Variants in EDN1 observed in about 807,000 individuals in gnomAD.
EDN1 encodes the protein endothelin-1.
EDN1 carries 11 observed loss-of-function variants against 21.7 expected under a neutral mutation model. The observed-to-expected ratio is 0.51, with a 90% CI of 0.32 to 0.84. The LOEUF is 0.84. EDN1 is among the 40% of genes least tolerant of loss of function. The pLI is 0.03. For missense variants in EDN1, 244 were observed against 262.3 expected, an observed-to-expected ratio of 0.93 and a Z score of 0.48; for synonymous variants, 85 against 90.6, an observed-to-expected ratio of 0.94 and a Z score of 0.35.
the EDN1 span, among the ~76,000 whole-genome samples, chr6:12,276,999 G>GATAA: frequency 6.6e-6 from 1 of 152,216 alleles, no homozygotes; most frequent in Non-Finnish European, 1.5e-5. Flanking sequence ...AGGAGGAACA[G>GATAA]GGACTTTGCT....
At chr6:12,233,543 G>A in the EDN1 span, among the ~76,000 whole-genome samples, 1 of 152,146 alleles carries the variant, frequency 6.6e-6, no homozygotes, top group African/African-American at 2.4e-5. Context: ...AATTCAAGCT[G>A]CTCTACCTAC....
rs567974771 is a variant in EDN1, at chr6:12,292,151, A to T, written c.65-190A>T. The stretch of plus-strand genomic sequence containing the variant: ...TGGATAAGCCAAGGGCATGAGGGGG[A>T]GGCAAAAGGTGAACTCATGTTAAGG... On this transcript the variant is annotated intron_variant, in intron 1 of 4. Coordinates refer to ENST00000379375, the MANE Select transcript of EDN1 (RefSeq NM_001955.5). Among the ~76,000 whole-genome samples, 39 of 148,192 alleles carry T rather than the reference A, an allele frequency of 2.6e-4. No homozygotes were observed. In the East Asian group the frequency reaches 7.1e-3, roughly 27 times the overall value.
the EDN1 span, among the ~76,000 whole-genome samples, chr6:12,262,553 A>G: frequency 6.6e-6 from 1 of 152,176 alleles, no homozygotes. Flanking sequence ...AATAAAAATG[A>G]TTTATGGTTT....
chr6:12,263,649 G>A, the EDN1 span, among the ~76,000 whole-genome samples: 1 of 152,152 alleles, frequency 6.6e-6, no homozygotes, highest in Non-Finnish European at 1.5e-5. Context: ...TACTTGGCCT[G>A]GAGTTACACA....
At chr6:12,260,820 C>T in the EDN1 span, among the ~76,000 whole-genome samples, 4 of 152,046 alleles carry the variant, frequency 2.6e-5, no homozygotes, top group Non-Finnish European at 5.9e-5. Context: ...GACCACTGTT[C>T]CATAAACCTA....
chr6:12,294,550 C>A, intron 4 of EDN1, 146 bp downstream of exon 4: 1 of 899,928 alleles, frequency 1.1e-6, no homozygotes, highest in Non-Finnish European at 1.8e-6. Flanking sequence ...TCTATGCATC[C>A]TATAGATTAA....
the EDN1 span, among the ~76,000 whole-genome samples, chr6:12,231,143 T>C: frequency 6.6e-6 from 1 of 152,246 alleles, no homozygotes; most frequent in Non-Finnish European, 1.5e-5. Context: ...AGCCCAGAAC[T>C]GGCTGTGAAC....
the EDN1 span, among the ~76,000 whole-genome samples, chr6:12,255,306 G>A: frequency 6.6e-6 from 1 of 152,096 alleles, no homozygotes; most frequent in South Asian, 2.1e-4. Context: ...AGCTCAATCA[G>A]AGAGAAATAG....
chr6:12,284,737 AAGG>A, the EDN1 span, among the ~76,000 whole-genome samples: 739 of 136,902 alleles, frequency 5.4e-3, 3 homozygotes, highest in South Asian at 0.016. Flanking sequence ...GGAAGGAAGG[AAGG>A]AAGGAAGGAA....
At chr6:12,265,476 G>A in the EDN1 span, among the ~76,000 whole-genome samples, 1 of 152,208 alleles carries the variant, frequency 6.6e-6, no homozygotes, top group Admixed American at 6.5e-5. Context: ...TTATGACACA[G>A]ACAGAAAGAC....
At chr6:12,287,181 G>GA (rs67690443), upstream of EDN1, among the ~76,000 whole-genome samples, 543 of 147,530 alleles carry the variant, frequency 3.7e-3, 11 homozygotes, top group East Asian at 0.056. Flanking sequence ...TTCTATTGGG[G>GA]AAAAAAAAAA....
chr6:12,284,733 AAGGAAGGAAGGAAGG>A, the EDN1 span, among the ~76,000 whole-genome samples: 20 of 125,236 alleles, frequency 1.6e-4, no homozygotes, highest in African/African-American at 6.2e-4. Flanking sequence ...GGAAGGAAGG[AAGGAAGGAAGGAAGG>A]AAGAAAGAAA....
At chr6:12,294,492 C>T in intron 4 of EDN1, 88 bp downstream of exon 4, 1 of 1,509,530 alleles carries the variant, frequency 6.6e-7, no homozygotes, top group Non-Finnish European at 9.2e-7. Context: ...TCCTCCAGCC[C>T]TTCTTACCCG....
chr6:12,267,580 T>G, the EDN1 span, among the ~76,000 whole-genome samples: 2 of 152,196 alleles, frequency 1.3e-5, no homozygotes, highest in African/African-American at 4.8e-5. Context: ...AGTTTGACAC[T>G]AGCAGAGGTT....
the EDN1 span, among the ~76,000 whole-genome samples, chr6:12,280,371 A>C: frequency 1.3e-5 from 2 of 152,256 alleles, no homozygotes; most frequent in African/African-American, 4.8e-5. Context: ...ACTCAGACTT[A>C]TTAGTAGCAT....
the EDN1 span, among the ~76,000 whole-genome samples, chr6:12,271,036 C>G: frequency 6.6e-6 from 1 of 152,084 alleles, no homozygotes; most frequent in Non-Finnish European, 1.5e-5. Context: ...GGAATATGAG[C>G]TTCCATCCTT....
In EDN1 at chr6:12,294,012, C is replaced by T; in HGVS notation, c.305C>T (p.Ala102Val). 2 of 1,614,200 alleles carry T rather than the reference C, an allele frequency of 1.2e-6. No homozygotes were observed. The change falls in exon 3 of 5, where the codon GCA becomes GTA. Residue 102 changes from alanine (A) to valine (V), a missense_variant. Coordinates refer to ENST00000379375, the MANE Select transcript of EDN1 (RefSeq NM_001955.5). Reference protein sequence around the residue: ...RALENLLPTKATDRENRCQCA... With the variant: ...RALENLLPTKVTDRENRCQCA... Reference sequence around the variant, plus strand: ...TTGGAGAATTTACTTCCCACAAAGGCAACAGACCGTGAAAATAGATGCCAA... The same window carrying T: ...TTGGAGAATTTACTTCCCACAAAGGTAACAGACCGTGAAAATAGATGCCAA...
chr6:12,294,028 T>C lies in EDN1; in HGVS notation c.321T>C (p.Asn107=), dbSNP rs529698751. Residue 107 remains asparagine (N), a synonymous_variant, in exon 3 of 5, where the codon AAT becomes AAC. Transcript: ENST00000379375. ...CCACAAAGGCAACAGACCGTGAAAA[T>C]AGATGCCAATGTGCTAGCCAAAAAG... ...LLPTKATDRE[N]RCQCASQKDK... 9.3e-6 allele frequency: 15 copies of C among 1,614,210 alleles called. 1 individual carries two copies. The South Asian group carries it at 1.2e-4, about 13-fold the overall frequency.
chr6:12,271,553 A>G, the EDN1 span, among the ~76,000 whole-genome samples: 1 of 152,172 alleles, frequency 6.6e-6, no homozygotes, highest in African/African-American at 2.4e-5. Flanking sequence ...AGCTAGACTT[A>G]TCATCGACCA....
Sources: allele counts gnomAD v4.1 joint callset (sites outside exome capture counted in the v4.1 genomes callset), GRCh38; gene constraint gnomAD v4.1.1; transcripts MANE v1.5; gene names NCBI Gene and HGNC (gene_info 2026-07-23, HGNC 2026-07-21).